Variants in KCNIP4 observed in about 807,000 individuals in gnomAD.
KCNIP4 encodes the protein potassium voltage-gated channel interacting protein 4, also known as Kv channel-interacting protein 4.
Under a neutral mutation model 34.0 loss-of-function variants are expected in KCNIP4, and 12 were observed. The ratio of observed to expected loss-of-function variants is 0.35; its 90% confidence interval spans 0.23 to 0.57. The LOEUF (loss-of-function observed/expected upper bound fraction) is 0.57, where lower values mean the gene tolerates loss of function less well. Ranked by LOEUF, KCNIP4 falls within the 20% of genes least tolerant of loss-of-function variation. The probability of loss-of-function intolerance (pLI) is 0.83; values close to 1 mark genes in which losing one functional copy is unlikely to be tolerated. For synonymous variants in KCNIP4, 124 were observed against 102.2 expected (o/e 1.21, Z -1.29); for missense variants, 238 against 311.7 (o/e 0.76, Z 1.78).
intron 1 of KCNIP4, among the ~76,000 whole-genome samples, chr4:21,512,200 CGAAGGAAG>C (rs1411979812): frequency 0.056 from 2,036 of 36,086 alleles, 50 homozygotes; most frequent in African/African-American, 0.11. Context: ...AAGGAACGAA[CGAAGGAAG>C]GAAGGAAGGA....
intron 1 of KCNIP4, among the ~76,000 whole-genome samples, chr4:21,274,289 T>C (rs1161179008): frequency 6.6e-6 from 1 of 152,144 alleles, no homozygotes; most frequent in Non-Finnish European, 1.5e-5. Context: ...ACAGAAAAAC[T>C]ATCCTTGAAT....
chr4:20,863,820 A>G (rs10433820), intron 2 of KCNIP4, among the ~76,000 whole-genome samples: 86,452 of 151,740 alleles, frequency 0.57, 24,796 homozygotes, highest in South Asian at 0.75. Context: ...TTACCTAATA[A>G]CAAACCTGCA....
chr4:20,957,622 C>T (rs997777318), intron 1 of KCNIP4, among the ~76,000 whole-genome samples: 9 of 151,968 alleles, frequency 5.9e-5, no homozygotes, highest in African/African-American at 1.9e-4. Context: ...GAGCTGTTTA[C>T]GCTCATTCAT....
At chr4:21,566,683 AAG>A (rs1739916188) in intron 1 of KCNIP4, among the ~76,000 whole-genome samples, 1 of 152,120 alleles carries the variant, frequency 6.6e-6, no homozygotes. Context: ...ACACTTATAC[AAG>A]GCAGTAGAGG....
At chr4:21,694,355 T>A (rs560171400) in intron 1 of KCNIP4, among the ~76,000 whole-genome samples, 1 of 152,150 alleles carries the variant, frequency 6.6e-6, no homozygotes, top group Admixed American at 6.5e-5. Flanking sequence ...GGAAAATTGA[T>A]CCTACAGTGA....
In KCNIP4 at chr4:20,999,144, C is replaced by T. The variant is rs557783701; in HGVS notation, c.62-116435G>A. On this transcript the variant is annotated intron_variant, in intron 1 of 8. Transcript: ENST00000382152. ...TCTGAACAGAGCTCTTAAGTATGAGCAGGGTCAGACAAAGATAGGAAAAAT... is the reference window on the plus strand; with the variant it reads ...TCTGAACAGAGCTCTTAAGTATGAGTAGGGTCAGACAAAGATAGGAAAAAT... Among the ~76,000 whole-genome samples, 27 of 152,276 alleles carry T rather than the reference C, an allele frequency of 1.8e-4. No individual in the cohort carries two copies. The South Asian group carries it at 5.2e-3, about 29-fold the overall frequency.
chr4:20,732,043 AC>A lies in KCNIP4; in HGVS notation c.667del (p.Val223LeufsTer4). 6.2e-7 allele frequency: 1 copy of A among 1,612,938 alleles called. No homozygotes were observed. The highest frequency in any genetic ancestry group is 8.5e-7 in the Non-Finnish European group (1 of 1,179,572). ...FQKMDKNKDG[V>X]VTIDEFIESC... is the part of the protein sequence containing the mutation. ...TTCAATGAACTCATCTATGGTAACA[AC>A]CCCATCTTTATTTTTGTCCATTTTC... On this transcript the variant is annotated frameshift_variant, in exon 8 of 9. Transcript: ENST00000382152. LOFTEE classifies it high-confidence loss of function.
chr4:21,489,079 T>C (rs73252227), intron 1 of KCNIP4, among the ~76,000 whole-genome samples: 6,841 of 152,192 alleles, frequency 0.045, 179 homozygotes, highest in South Asian at 0.064. Context: ...TGAGATAGCC[T>C]TTTAGACACA....
At chr4:21,415,019 C>T (rs1367027084) in intron 1 of KCNIP4, among the ~76,000 whole-genome samples, 1 of 151,964 alleles carries the variant, frequency 6.6e-6, no homozygotes, top group East Asian at 1.9e-4. Context: ...ACTATAGTCA[C>T]CCTGTTGTGC....
chr4:21,021,025 G>A (rs1739984550), intron 1 of KCNIP4, among the ~76,000 whole-genome samples: 2 of 152,128 alleles, frequency 1.3e-5, no homozygotes, highest in South Asian at 4.1e-4. Context: ...GAAGATCACG[G>A]AGTGTACTTC....
chr4:21,239,211 T>C (rs538792900), intron 1 of KCNIP4, among the ~76,000 whole-genome samples: 5 of 148,590 alleles, frequency 3.4e-5, no homozygotes, highest in Non-Finnish European at 3.0e-5. Context: ...TTACACCTTA[T>C]ACAAAAATTA....
intron 1 of KCNIP4, among the ~76,000 whole-genome samples, chr4:21,156,351 G>A (rs1194724839): frequency 6.6e-6 from 1 of 152,056 alleles, no homozygotes; most frequent in Non-Finnish European, 1.5e-5. Flanking sequence ...ATAGCTTCAG[G>A]GCTAAAATGG....
chr4:21,757,174 G>A (rs184254020), intron 1 of KCNIP4, among the ~76,000 whole-genome samples: 3,451 of 45,686 alleles, frequency 0.076, 102 homozygotes, highest in East Asian at 0.19. Flanking sequence ...AAAGAAGGAA[G>A]GAAGGAAGGA....
intron 1 of KCNIP4, among the ~76,000 whole-genome samples, chr4:21,583,349 T>C (rs939072429): frequency 2.0e-5 from 3 of 151,888 alleles, no homozygotes; most frequent in Non-Finnish European, 2.9e-5. Context: ...TGCTTCAGGA[T>C]CCTCATGGGC....
intron 1 of KCNIP4, among the ~76,000 whole-genome samples, chr4:21,089,090 T>C (rs1746738252): frequency 6.6e-6 from 1 of 152,200 alleles, no homozygotes; most frequent in African/African-American, 2.4e-5. Flanking sequence ...TCCTAAAATT[T>C]TAGCAAGTTT....
intron 1 of KCNIP4, among the ~76,000 whole-genome samples, chr4:21,409,606 A>G (rs1461547286): frequency 6.6e-6 from 1 of 152,252 alleles, no homozygotes; most frequent in Non-Finnish European, 1.5e-5. Context: ...TTGAAATAAT[A>G]TACTTTGGAT....
intron 3 of KCNIP4, among the ~76,000 whole-genome samples, chr4:20,779,223 C>A (rs567478715): frequency 1.2e-4 from 19 of 152,198 alleles, no homozygotes; most frequent in African/African-American, 4.3e-4. Flanking sequence ...ATTCCTCTGT[C>A]CCGTGAGAAA....
chr4:21,358,202 G>A (rs1430913988), intron 1 of KCNIP4, among the ~76,000 whole-genome samples: 1 of 152,074 alleles, frequency 6.6e-6, no homozygotes, highest in Non-Finnish European at 1.5e-5. Context: ...ATAGCATTAG[G>A]AGAAATACCT....
chr4:21,519,343 TACACACACAC>T (rs137872471), intron 1 of KCNIP4, among the ~76,000 whole-genome samples: 8 of 115,144 alleles, frequency 6.9e-5, no homozygotes, highest in East Asian at 2.8e-4. Context: ...GAGAGAGAGA[TACACACACAC>T]ACACACACAC....
Sources: allele counts gnomAD v4.1 joint callset (sites outside exome capture counted in the v4.1 genomes callset), GRCh38; gene constraint gnomAD v4.1.1; transcripts MANE v1.5; gene names NCBI Gene and HGNC (gene_info 2026-07-23, HGNC 2026-07-21).